Variants in SLC24A2 observed in about 807,000 individuals in gnomAD.
SLC24A2 encodes the protein solute carrier family 24 member 2, also known as sodium/potassium/calcium exchanger 2.
SLC24A2 carries 36 observed loss-of-function variants against 62.0 expected under a neutral mutation model. The observed-to-expected ratio is 0.58, with a 90% CI of 0.44 to 0.77. The LOEUF is 0.77. Among genes scored for constraint, SLC24A2 ranks in the 30% least tolerant of loss-of-function variants. SLC24A2 has a pLI of 0.00. For synonymous variants in SLC24A2, 358 were observed against 294.0 expected (o/e 1.22, Z -2.23); for missense variants, 846 against 817.9 (o/e 1.03, Z -0.42).
chr9:19,615,823 A>G (rs1563999326), intron 4 of SLC24A2, among the ~76,000 whole-genome samples: 2 of 152,186 alleles, frequency 1.3e-5, no homozygotes, highest in Admixed American at 6.5e-5. Flanking sequence ...CCCAACTCTG[A>G]GACAACCTAG....
At chr9:20,269,426 G>C in the SLC24A2 span, among the ~76,000 whole-genome samples, 5 of 152,096 alleles carry the variant, frequency 3.3e-5, no homozygotes, top group Non-Finnish European at 5.9e-5. Flanking sequence ...TCCCACCCAT[G>C]ACTCTCCTGA....
intron 8 of SLC24A2, among the ~76,000 whole-genome samples, chr9:19,537,072 G>C (rs1191132560): frequency 6.6e-6 from 1 of 151,162 alleles, no homozygotes; most frequent in Non-Finnish European, 1.5e-5. Context: ...TTGTAAATTT[G>C]TTTGAGTTCA....
At chr9:19,566,752 C>A (rs981185234) in intron 7 of SLC24A2, among the ~76,000 whole-genome samples, 1 of 152,186 alleles carries the variant, frequency 6.6e-6, no homozygotes, top group Non-Finnish European at 1.5e-5. Flanking sequence ...AAATGTGGCA[C>A]ATATACACCA....
the SLC24A2 span, among the ~76,000 whole-genome samples, chr9:19,943,000 A>T: frequency 4.6e-3 from 698 of 152,282 alleles, 13 homozygotes; most frequent in African/African-American, 0.016. Context: ...CAAGAAATAG[A>T]TCCTTTCAGA....
At chr9:19,761,369 G>C (rs1369878029) in intron 2 of SLC24A2, among the ~76,000 whole-genome samples, 1 of 152,026 alleles carries the variant, frequency 6.6e-6, no homozygotes, top group Admixed American at 6.6e-5. Context: ...GCGTGAGATG[G>C]TATCTCATTG....
chr9:20,235,814 T>C, the SLC24A2 span, among the ~76,000 whole-genome samples: 20,445 of 152,226 alleles, frequency 0.13, 1,640 homozygotes, highest in African/African-American at 0.22. Context: ...ACCCATCTTC[T>C]GTGTCGCTCA....
chr9:20,269,713 T>C, the SLC24A2 span, among the ~76,000 whole-genome samples: 1 of 152,240 alleles, frequency 6.6e-6, no homozygotes. Context: ...GCTTACCTTC[T>C]GGTAGTCATC....
the SLC24A2 span, among the ~76,000 whole-genome samples, chr9:20,187,541 A>C: frequency 1.3e-5 from 2 of 152,064 alleles, no homozygotes; most frequent in Non-Finnish European, 2.9e-5. Context: ...TCATGCTTCA[A>C]TTCTTGCAGT....
the SLC24A2 span, among the ~76,000 whole-genome samples, chr9:20,203,463 C>A: frequency 9.3e-3 from 1,420 of 152,214 alleles, 24 homozygotes; most frequent in African/African-American, 0.031. Context: ...TCAGGCAAGC[C>A]GCTTAAGCTC....
At chr9:19,763,991 C>T (rs1822430091) in intron 2 of SLC24A2, among the ~76,000 whole-genome samples, 1 of 152,122 alleles carries the variant, frequency 6.6e-6, no homozygotes, top group Non-Finnish European at 1.5e-5. Context: ...AATTTCAGAA[C>T]TTGTTATTGG....
chr9:19,773,630 G>A (rs1264594256), intron 2 of SLC24A2, among the ~76,000 whole-genome samples: 1 of 152,196 alleles, frequency 6.6e-6, no homozygotes, highest in African/African-American at 2.4e-5. Flanking sequence ...GAAGCATTAA[G>A]CGCCCTTTGG....
At chr9:20,225,799 G>A in the SLC24A2 span, among the ~76,000 whole-genome samples, 1 of 151,334 alleles carries the variant, frequency 6.6e-6, no homozygotes, top group Admixed American at 6.6e-5. Flanking sequence ...AACCATATGG[G>A]TCTTTATGGT....
rs561202344 is a variant in SLC24A2 at position 19,675,071 on chromosome 9, C to T, written c.931-52772G>A. 2.0e-5 allele frequency among the ~76,000 whole-genome samples: 3 copies of T among 152,252 alleles called. No homozygotes were observed. The East Asian group carries it at 5.8e-4, about 29-fold the overall frequency. Reference sequence around the variant, plus strand: ...TGCTCCCTTGAGGTAGTGCTCTCTCCCTTCCCCTAGGGATGGGACTTCCTG... The same window carrying T: ...TGCTCCCTTGAGGTAGTGCTCTCTCTCTTCCCCTAGGGATGGGACTTCCTG... On this transcript the variant is annotated intron_variant, in intron 2 of 10. Transcript: ENST00000341998.
At chr9:20,235,877 C>A in the SLC24A2 span, among the ~76,000 whole-genome samples, 384 of 149,486 alleles carry the variant, frequency 2.6e-3, 1 homozygote, top group African/African-American at 9.1e-3. Context: ...TGGCTCCAGG[C>A]TATTTCTTTC....
chr9:19,870,159 G>A, the SLC24A2 span, among the ~76,000 whole-genome samples: 8 of 152,084 alleles, frequency 5.3e-5, no homozygotes, highest in East Asian at 1.4e-3. Flanking sequence ...AAGAAACCCC[G>A]TACCCATTAG....
chr9:20,067,331 G>C, the SLC24A2 span, among the ~76,000 whole-genome samples: 1 of 152,178 alleles, frequency 6.6e-6, no homozygotes, highest in Non-Finnish European at 1.5e-5. Context: ...AATAAAGTAA[G>C]GCCCTTAGGA....
At chr9:19,947,808 A>AAAAAAAAAG in the SLC24A2 span, among the ~76,000 whole-genome samples, 1 of 59,226 alleles carries the variant, frequency 1.7e-5, no homozygotes, top group Non-Finnish European at 3.1e-5. Context: ...AAAAAAAAAA[A>AAAAAAAAAG]AAAGAAAGAA....
chr9:20,018,166 T>G, the SLC24A2 span, among the ~76,000 whole-genome samples: 2 of 151,950 alleles, frequency 1.3e-5, no homozygotes, highest in African/African-American at 2.4e-5. Flanking sequence ...CCAGGATGAT[T>G]TTGATCTCCT....
intron 2 of SLC24A2, among the ~76,000 whole-genome samples, chr9:19,647,624 GAGA>G (rs1408275303): frequency 1.3e-5 from 2 of 152,182 alleles, no homozygotes; most frequent in African/African-American, 2.4e-5. Context: ...ACAGATACAA[GAGA>G]AGAACATTTC....
Sources: gnomAD v4.1 joint callset for allele counts (sites outside exome capture counted in the v4.1 genomes callset) on GRCh38, gnomAD v4.1.1 for gene constraint, MANE v1.5 for transcripts, NCBI Gene and HGNC (gene_info 2026-07-23, HGNC 2026-07-21) for gene names.